The following TTLL11 variants were observed in gnomAD, a reference collection of about 807,000 sequenced individuals.
TTLL11 encodes the protein tubulin polyglutamylase TTLL11.
TTLL11 carries 42 observed loss-of-function variants against 51.7 expected under a neutral mutation model. That is an observed-to-expected ratio of 0.81 (90% confidence interval 0.64 to 1.05). The LOEUF is 1.05. TTLL11 is among the 50% of genes least tolerant of loss of function. The pLI is 0.00. For synonymous variants in TTLL11, 381 were observed against 383.5 expected (o/e 0.99, Z 0.08); for missense variants, 799 against 940.4 (o/e 0.85, Z 1.97).
chr9:122,087,212 C>T (rs1206691191), intron 1 of TTLL11, among the ~76,000 whole-genome samples: 3 of 148,936 alleles, frequency 2.0e-5, no homozygotes, highest in Non-Finnish European at 2.9e-5. Context: ...ATACTCAATA[C>T]AATTTTTTTT....
chr9:122,050,799 G>A (rs10119203), intron 1 of TTLL11, among the ~76,000 whole-genome samples: 13,499 of 152,130 alleles, frequency 0.089, 848 homozygotes, highest in African/African-American at 0.15. Context: ...GTAAGCAATC[G>A]GAGTCACCTG....
chr9:122,047,630 A>G (rs183468271), intron 1 of TTLL11, among the ~76,000 whole-genome samples: 1 of 152,158 alleles, frequency 6.6e-6, no homozygotes, highest in East Asian at 1.9e-4. Flanking sequence ...AGACTAAAGG[A>G]GTGGTGGGAA....
intron 6 of TTLL11, among the ~76,000 whole-genome samples, chr9:121,962,609 T>C (rs1358041471): frequency 6.6e-6 from 1 of 152,200 alleles, no homozygotes; most frequent in African/African-American, 2.4e-5. Flanking sequence ...TATGACTCAA[T>C]CTAGTCCTTG....
chr9:122,063,927 G>A (rs1262189157), intron 1 of TTLL11, among the ~76,000 whole-genome samples: 3 of 152,160 alleles, frequency 2.0e-5, no homozygotes, highest in Non-Finnish European at 4.4e-5. Flanking sequence ...AAATTTCAAA[G>A]GCAGTCATAT....
At chr9:121,924,925 G>A (rs1840668500) in intron 6 of TTLL11, among the ~76,000 whole-genome samples, 1 of 152,094 alleles carries the variant, frequency 6.6e-6, no homozygotes, top group South Asian at 2.1e-4. Flanking sequence ...ATGTCTGTAA[G>A]CAAAGTCCAG....
At chr9:121,983,417 G>A (rs908475284) in intron 4 of TTLL11, among the ~76,000 whole-genome samples, 9 of 152,160 alleles carry the variant, frequency 5.9e-5, no homozygotes, top group Admixed American at 2.6e-4. Context: ...AGCTATAGGC[G>A]CCAGTAGCGT....
Position 121,822,667 on chromosome 9 carries a change from C to T in TTLL11, c.2053G>A (p.Ala685Thr). 1 of 1,539,728 alleles carries T rather than the reference C, an allele frequency of 6.5e-7. No homozygotes were observed. The highest frequency in any genetic ancestry group is 8.8e-7 in the Non-Finnish European group (1 of 1,142,342). The change falls in exon 9 of 9, where the codon GCC becomes ACC. Residue 685 changes from alanine to threonine, a missense_variant. Physicochemically the swap from Ala to Thr is moderately conservative, Grantham distance 58. Coordinates refer to ENST00000321582, the MANE Select transcript of TTLL11 (RefSeq NM_001139442.2). This position sits in a 1 kb window ranked among gnomAD's most constrained non-coding sequence, Gnocchi z 5.8. ...GGGGGGTTGTCCCCTGCTGGCTGGG[C>T]CGAGGGGGAGGGCTCCTGGGGAGGG... is the stretch of plus-strand genomic sequence containing the variant. ...RGPPQEPSPS[A>T]QPAGDNPPPR...
At chr9:121,928,283 T>C (rs913196077) in intron 6 of TTLL11, among the ~76,000 whole-genome samples, 2 of 152,184 alleles carry the variant, frequency 1.3e-5, no homozygotes, top group Non-Finnish European at 2.9e-5. Context: ...TGGGATGTAA[T>C]TGTTATATTA....
At chr9:121,868,197 C>T (rs565758964) in intron 7 of TTLL11, among the ~76,000 whole-genome samples, 40 of 152,124 alleles carry the variant, frequency 2.6e-4, no homozygotes, top group Non-Finnish European at 3.5e-4. Context: ...CATAATTCTC[C>T]GGGGCCCCAA....
At chr9:121,945,917 T>C (rs1052501538) in intron 6 of TTLL11, among the ~76,000 whole-genome samples, 1 of 152,032 alleles carries the variant, frequency 6.6e-6, no homozygotes, top group Non-Finnish European at 1.5e-5. Context: ...AACATGGAGG[T>C]AAGATAGAAT....
rs148723969 is a variant in TTLL11, at chr9:122,010,574, G to A, written c.694-20804C>T. Among the ~76,000 whole-genome samples, 1,193 of 152,308 alleles carry A rather than the reference G, an allele frequency of 7.8e-3. 12 individuals carry two copies. Among genetic ancestry groups the A allele is most frequent in the Middle Eastern group, 0.024 (7 of 294 alleles). On this transcript the variant is annotated intron_variant, in intron 3 of 8. Coordinates refer to ENST00000321582, the MANE Select transcript of TTLL11 (RefSeq NM_001139442.2). ...AAAGAGTTACTATCTGGCTTTTACA[G>A]GAAGTTTGCCATCCTCTGCAATGGA... is the stretch of plus-strand genomic sequence containing the variant.
intron 8 of TTLL11, among the ~76,000 whole-genome samples, chr9:121,843,847 AT>A (rs1474284636): frequency 7.9e-5 from 12 of 151,852 alleles, no homozygotes; most frequent in African/African-American, 2.9e-4. Context: ...TATTTTTAAA[AT>A]TTTTTGTAGA....
chr9:121,904,270 G>A (rs1374861867), intron 6 of TTLL11, among the ~76,000 whole-genome samples: 1 of 151,062 alleles, frequency 6.6e-6, no homozygotes, highest in African/African-American at 2.4e-5. Context: ...TCCGCCTCCC[G>A]GGTTCAAGCC....
chr9:121,943,927 C>T (rs967779372), intron 6 of TTLL11, among the ~76,000 whole-genome samples: 13 of 152,186 alleles, frequency 8.5e-5, no homozygotes, highest in African/African-American at 3.1e-4. Context: ...TATAAGACTG[C>T]CCATTTCTTT....
At chr9:121,940,732 G>A (rs535859776) in intron 6 of TTLL11, among the ~76,000 whole-genome samples, 5 of 152,128 alleles carry the variant, frequency 3.3e-5, no homozygotes, top group Non-Finnish European at 2.9e-5. Flanking sequence ...ACTCTACTCC[G>A]AAACTCTGTT....
chr9:121,983,324 T>C (rs1348001106), intron 4 of TTLL11, among the ~76,000 whole-genome samples: 10 of 152,200 alleles, frequency 6.6e-5, no homozygotes, highest in Non-Finnish European at 1.2e-4. Context: ...GTTTGATGGC[T>C]ATTAACTATC....
intron 1 of TTLL11, among the ~76,000 whole-genome samples, chr9:122,044,437 G>A (rs536027614): frequency 5.9e-5 from 9 of 152,298 alleles, no homozygotes; most frequent in East Asian, 5.8e-4. Context: ...TTGCCACACC[G>A]ACTTCCACAA....
At chr9:122,091,882 A>C (rs1188645063) in intron 1 of TTLL11, among the ~76,000 whole-genome samples, 5 of 152,242 alleles carry the variant, frequency 3.3e-5, no homozygotes, top group East Asian at 1.9e-4. Flanking sequence ...AAATGGGCTC[A>C]GGGATGATAA....
intron 6 of TTLL11, among the ~76,000 whole-genome samples, chr9:121,901,672 C>T (rs968238514): frequency 2.6e-5 from 4 of 151,812 alleles, no homozygotes; most frequent in African/African-American, 9.7e-5. Context: ...CTGGTTCACT[C>T]GCTGAGAATG....
Sources: gnomAD v4.1 joint callset for allele counts (sites outside exome capture counted in the v4.1 genomes callset) on GRCh38, gnomAD v4.1.1 for gene constraint, Gnocchi (gnomAD v3.1) non-coding constraint, MANE v1.5 for transcripts, NCBI Gene and HGNC (gene_info 2026-07-23, HGNC 2026-07-21) for gene names.